Variants in GPC6 observed in about 807,000 individuals in gnomAD.
GPC6 encodes the protein glypican-6.
In GPC6, 14 loss-of-function variants were observed where a neutral mutation model predicts 55.2. The ratio of observed to expected loss-of-function variants is 0.25; its 90% CI spans 0.17 to 0.40. The LOEUF is 0.40. Among genes scored for constraint, GPC6 ranks in the 10% least tolerant of loss-of-function variants. GPC6 has a pLI of 1.00. For missense variants in GPC6, 641 were observed against 708.5 expected (o/e 0.90, Z 1.08); for synonymous variants, 278 against 259.6 (o/e 1.07, Z -0.68).
At chr13:94,016,896 G>A (rs1882488352) in intron 3 of GPC6, among the ~76,000 whole-genome samples, 1 of 151,014 alleles carries the variant, frequency 6.6e-6, no homozygotes. Context: ...GTGCAATGGT[G>A]CGATCTCAGC....
intron 6 of GPC6, among the ~76,000 whole-genome samples, chr13:94,313,179 G>A (rs1028338569): frequency 2.6e-5 from 4 of 152,196 alleles, no homozygotes; most frequent in Admixed American, 6.5e-5. Flanking sequence ...AGAGAGAGCC[G>A]CCTGTCACAG....
At chr13:93,633,830 C>T (rs1879585199) in intron 2 of GPC6, among the ~76,000 whole-genome samples, 1 of 152,160 alleles carries the variant, frequency 6.6e-6, no homozygotes, top group Non-Finnish European at 1.5e-5. Context: ...TTTGCAGGAG[C>T]TGCCACTGCT....
intron 6 of GPC6, among the ~76,000 whole-genome samples, chr13:94,313,652 G>T (rs1297492902): frequency 6.6e-6 from 1 of 152,134 alleles, no homozygotes; most frequent in Non-Finnish European, 1.5e-5. Context: ...ACGAAATAAT[G>T]TTATGCAACA....
At chr13:93,583,338 T>TTGTGTG (rs34034260) in intron 2 of GPC6, among the ~76,000 whole-genome samples, 64 of 151,562 alleles carry the variant, frequency 4.2e-4, no homozygotes, top group African/African-American at 1.5e-3. Flanking sequence ...GTAATGCACA[T>TTGTGTG]TGTGTGTGTG....
chr13:93,725,869 C>G (rs1883618238), intron 2 of GPC6, among the ~76,000 whole-genome samples: 1 of 152,000 alleles, frequency 6.6e-6, no homozygotes, highest in Non-Finnish European at 1.5e-5. Flanking sequence ...AATACATTCA[C>G]TTTATTTTGT....
chr13:93,246,433 A>G (rs114659754), intron 1 of GPC6, among the ~76,000 whole-genome samples: 165 of 152,164 alleles, frequency 1.1e-3, no homozygotes, highest in African/African-American at 3.9e-3. Context: ...TTAAGATTGC[A>G]GTGATGTTGA....
chr13:93,678,127 A>G (rs1273384481), intron 2 of GPC6, among the ~76,000 whole-genome samples: 2 of 152,120 alleles, frequency 1.3e-5, no homozygotes, highest in Non-Finnish European at 2.9e-5. Flanking sequence ...AAAATGTGAA[A>G]TTGTATCTAT....
At position 93,997,795 on chromosome 13, in the gene GPC6, A is replaced by G. The variant is rs199725293; in HGVS notation, c.712-29934A>G. 2.6e-5 allele frequency among the ~76,000 whole-genome samples: 4 copies of G among 152,326 alleles called. No individual in the cohort carries two copies. The East Asian group carries it at 5.8e-4, about 22-fold the overall frequency. On this transcript the variant is annotated intron_variant, in intron 3 of 8. Coordinates refer to ENST00000377047, the MANE Select transcript of GPC6 (RefSeq NM_005708.5). Reference sequence around the variant, plus strand: ...GGTAAATGTTCCATAAATGTTGCTGATAAATGACAGATTCTAAATGAGGAG... The same window carrying G: ...GGTAAATGTTCCATAAATGTTGCTGGTAAATGACAGATTCTAAATGAGGAG...
At chr13:94,209,831 A>G (rs1890020693) in intron 4 of GPC6, among the ~76,000 whole-genome samples, 2 of 151,928 alleles carry the variant, frequency 1.3e-5, no homozygotes. Flanking sequence ...TTAATTTTTA[A>G]TTTTTATTAA....
intron 4 of GPC6, among the ~76,000 whole-genome samples, chr13:94,115,852 TA>T (rs1886415007): frequency 6.6e-6 from 1 of 152,140 alleles, no homozygotes; most frequent in South Asian, 2.1e-4. Flanking sequence ...TAAATAAGAA[TA>T]TTTTTTCAGT....
At chr13:93,651,308 C>T (rs1349250820) in intron 2 of GPC6, among the ~76,000 whole-genome samples, 1 of 150,696 alleles carries the variant, frequency 6.6e-6, no homozygotes, top group Non-Finnish European at 1.5e-5. Flanking sequence ...CAACTAGATT[C>T]TAAAAAATTT....
At chr13:93,402,824 A>G (rs1876140591) in intron 1 of GPC6, among the ~76,000 whole-genome samples, 1 of 152,132 alleles carries the variant, frequency 6.6e-6, no homozygotes, top group Admixed American at 6.5e-5. Context: ...CCCATTTTCC[A>G]ATGTAATATA....
At chr13:93,316,522 T>G (rs1175162644) in intron 1 of GPC6, among the ~76,000 whole-genome samples, 1 of 152,014 alleles carries the variant, frequency 6.6e-6, no homozygotes, top group Non-Finnish European at 1.5e-5. Context: ...GAAAGTATGC[T>G]CTAGGGCATA....
At chr13:93,231,338 TA>T (rs1566533218) in intron 1 of GPC6, among the ~76,000 whole-genome samples, 3 of 72,992 alleles carry the variant, frequency 4.1e-5, no homozygotes, top group African/African-American at 2.7e-4. Context: ...TACGTATATA[TA>T]TATATACATA....
intron 1 of GPC6, among the ~76,000 whole-genome samples, chr13:93,305,609 A>G (rs190130296): frequency 6.6e-6 from 1 of 152,268 alleles, no homozygotes; most frequent in Admixed American, 6.5e-5. Flanking sequence ...TAAGTCTCTT[A>G]TTTTTTGAAT....
At chr13:93,696,552 T>A (rs9561429) in intron 2 of GPC6, among the ~76,000 whole-genome samples, 37,880 of 150,274 alleles carry the variant, frequency 0.25, 5,258 homozygotes, top group East Asian at 0.47. Context: ...CTTTTTTTTT[T>A]AAAAAACAAA....
At chr13:93,552,284 G>A (rs1403779289) in intron 2 of GPC6, among the ~76,000 whole-genome samples, 6 of 152,152 alleles carry the variant, frequency 3.9e-5, no homozygotes, top group African/African-American at 1.4e-4. Flanking sequence ...AGAGATTTTG[G>A]CTTTGACAGA....
In GPC6 at chr13:94,404,970, G is replaced by T. The variant is rs976282382; in HGVS notation, c.*1753G>T. ...GGAGTAGGGAAAAGTAATGTTTCAA[G>T]ACACCATAGTAGGCCAGTTACATTT... On this transcript the variant is annotated 3_prime_UTR_variant, in exon 9 of 9. Transcript: ENST00000377047. The T allele has an allele frequency of 3.9e-5, 6 of 152,258 alleles. No homozygotes were observed. The highest frequency in any genetic ancestry group is 1.4e-4 in the African/African-American group (6 of 41,546). The allele number at this position is 152,258 out of a possible 1,614,324, so 9.4% of individuals were successfully genotyped here.
chr13:94,100,971 C>T (rs1347856786), intron 4 of GPC6, among the ~76,000 whole-genome samples: 2 of 152,110 alleles, frequency 1.3e-5, no homozygotes, highest in Admixed American at 6.5e-5. Flanking sequence ...TACAAGAGGT[C>T]ATTCATTTAT....
Sources: gnomAD v4.1 joint callset for allele counts (sites outside exome capture counted in the v4.1 genomes callset) on GRCh38, gnomAD v4.1.1 for gene constraint, MANE v1.5 for transcripts, NCBI Gene and HGNC (gene_info 2026-07-23, HGNC 2026-07-21) for gene names.